Variants in MRPS27 observed in about 807,000 individuals in gnomAD.
MRPS27 encodes the protein mitochondrial ribosomal protein S27, also known as small ribosomal subunit protein mS27.
A neutral mutation model predicts 48.9 loss-of-function variants in MRPS27; 43 were observed. The ratio of observed to expected loss-of-function variants is 0.88; its 90% CI spans 0.69 to 1.13. The LOEUF is 1.13. MRPS27 is among the 50% of genes most tolerant of loss of function. The pLI, the probability that MRPS27 is intolerant of heterozygous loss-of-function variation, is 0.00. For synonymous variants in MRPS27, 188 were observed against 171.9 expected (o/e 1.09, Z -0.73); for missense variants, 467 against 476.3 (o/e 0.98, Z 0.18).
At chr5:72,288,674 C>A (rs548245351) in intron 4 of MRPS27, 2 of 152,342 alleles carry the variant, frequency 1.3e-5, no homozygotes, top group East Asian at 3.9e-4. Context: ...AAATAAAGAA[C>A]TAGGCAATAT....
intron 2 of MRPS27, among the ~76,000 whole-genome samples, chr5:72,308,849 G>A (rs750224884): frequency 2.6e-5 from 4 of 152,268 alleles, no homozygotes; most frequent in Middle Eastern, 3.4e-3. Context: ...CACCTCACAC[G>A]TTTTATAGAG....
intron 5 of MRPS27, among the ~76,000 whole-genome samples, chr5:72,237,469 A>G (rs1748229540): frequency 6.6e-6 from 1 of 152,198 alleles, no homozygotes; most frequent in South Asian, 2.1e-4. Context: ...AGACTGTTAA[A>G]ATATCTTTAT....
intron 10 of MRPS27, chr5:72,222,393 T>C (rs1034564088): frequency 2.0e-5 from 3 of 152,352 alleles, no homozygotes; most frequent in Non-Finnish European, 4.4e-5. Flanking sequence ...TCCAGAGCTC[T>C]TGCGAGGAGA....
In MRPS27 at chr5:72,297,668, C is replaced by T. The variant is rs763374779; in HGVS notation, c.186G>A (p.Glu62=). ...TTAAAGAACTAACAGGCAACTTTCTCTCAAATGTTTTATCCATTAAAGATG... is the reference window on the plus strand; with the variant it reads ...TTAAAGAACTAACAGGCAACTTTCTTTCAAATGTTTTATCCATTAAAGATG... ...DLASLMDKTF[E]RKLPVSSLTI... The change falls in exon 3 of 11, where the codon GAG becomes GAA. Residue 62 remains glutamate (E), a synonymous_variant. Transcript: ENST00000261413. 6 of 1,602,752 alleles carry T rather than the reference C, an allele frequency of 3.7e-6. No individual in the cohort carries two copies. In the African/African-American group the frequency reaches 8.0e-5, roughly 21 times the overall value.
chr5:72,228,572 T>C (rs184357800), intron 7 of MRPS27: 20 of 408,814 alleles, frequency 4.9e-5, no homozygotes, highest in African/African-American at 3.9e-4. Flanking sequence ...ATACCCTATA[T>C]GTTAATGGAT....
intron 4 of MRPS27, among the ~76,000 whole-genome samples, chr5:72,290,388 A>G (rs1331200323): frequency 6.6e-6 from 1 of 152,202 alleles, no homozygotes; most frequent in Non-Finnish European, 1.5e-5. Context: ...GTCTCTCTGG[A>G]ATTTCTTCTG....
intron 8 of MRPS27, 57 bp from the exon 9 acceptor site, chr5:72,226,256 G>A: frequency 6.3e-7 from 1 of 1,599,666 alleles, no homozygotes; most frequent in Non-Finnish European, 8.6e-7. Context: ...CCATTTCTAA[G>A]ACTGAGGACC....
At chr5:72,269,257 A>C (rs1280784768) in intron 4 of MRPS27, among the ~76,000 whole-genome samples, 1 of 152,220 alleles carries the variant, frequency 6.6e-6, no homozygotes, top group Non-Finnish European at 1.5e-5. Context: ...TCTGTCTAGA[A>C]GAGGCAGTGT....
At chr5:72,315,211 T>C (rs904542956) in intron 1 of MRPS27, among the ~76,000 whole-genome samples, 12 of 152,150 alleles carry the variant, frequency 7.9e-5, no homozygotes, top group Admixed American at 7.2e-4. Flanking sequence ...ACAAGACTTG[T>C]ATCCAAAATA....
chr5:72,249,309 G>A (rs974605166), intron 4 of MRPS27, among the ~76,000 whole-genome samples: 3 of 152,294 alleles, frequency 2.0e-5, no homozygotes, highest in South Asian at 2.1e-4. Context: ...CTATGAATCA[G>A]GATATTATGC....
chr5:72,221,015 T>C lies in MRPS27; in HGVS notation c.1139A>G (p.Gln380Arg), dbSNP rs943134978. 5.2e-5 allele frequency: 84 copies of C among 1,614,116 alleles called. No homozygotes were observed. The highest frequency in any genetic ancestry group is 6.9e-5 in the Non-Finnish European group (81 of 1,180,032). The change falls in exon 11 of 11, where the codon CAG becomes CGG. Residue 380 changes from glutamine (Q) to arginine (R), a missense_variant. Transcript: ENST00000261413. ...EDIATYEQNL[Q>R]QWHLDLVQLI... is the part of the protein sequence containing the mutation. ...CTGTACAAGGTCTAGATGCCACTGC[T>C]GCAGATTCTGCTCATAGGTGGCGAT...
chr5:72,314,138 A>C lies in MRPS27; in HGVS notation c.94T>G (p.Ser32Ala). Residue 32 changes from serine (S) to alanine (A), a missense_variant, in exon 2 of 11, where the codon TCA (serine) becomes GCA (alanine). By Grantham distance (99) the Ser-to-Ala change is moderately conservative. Coordinates refer to ENST00000261413, the MANE Select transcript of MRPS27 (RefSeq NM_015084.3). ...CATTTGTGGCTGTCTACATAGGCTG[A>C]AGAAAGCAGGTATCTTTTACCTGAG... ...SPAGKRYLLS[S>A]AYVDSHKWEA... The C allele has an allele frequency of 6.2e-7, 1 of 1,613,012 alleles. No individual in the cohort carries two copies. Among genetic ancestry groups the C allele is most frequent in the Non-Finnish European group, 8.5e-7 (1 of 1,179,374 alleles).
At chr5:72,241,310 A>C (rs1229406483) in intron 4 of MRPS27, among the ~76,000 whole-genome samples, 1 of 152,160 alleles carries the variant, frequency 6.6e-6, no homozygotes, top group African/African-American at 2.4e-5. Flanking sequence ...TTTTCAATGA[A>C]CTCTCACAAA....
chr5:72,248,307 A>C (rs1748560034), intron 4 of MRPS27, among the ~76,000 whole-genome samples: 1 of 152,232 alleles, frequency 6.6e-6, no homozygotes, highest in South Asian at 2.1e-4. Context: ...GATGACAATC[A>C]TAAGAAGGAA....
intron 4 of MRPS27, among the ~76,000 whole-genome samples, chr5:72,250,995 G>A (rs1248338725): frequency 6.6e-6 from 1 of 152,188 alleles, no homozygotes; most frequent in Non-Finnish European, 1.5e-5. Context: ...AGATTGATAT[G>A]AAGATTAAAG....
At chr5:72,223,595 T>C (rs41272290) in intron 10 of MRPS27, 88 bp downstream of exon 10, 51,751 of 1,462,048 alleles carry the variant, frequency 0.035, 1,455 homozygotes, top group African/African-American at 0.14. Context: ...TTGTGTGACA[T>C]TGATGCAGAA....
chr5:72,304,174 AG>A (rs1245282457), intron 2 of MRPS27, among the ~76,000 whole-genome samples: 1 of 152,168 alleles, frequency 6.6e-6, no homozygotes, highest in Non-Finnish European at 1.5e-5. Flanking sequence ...GCATTTTAGA[AG>A]TTAAAGGGCA....
chr5:72,319,694 C>T (rs957816768), intron 1 of MRPS27, among the ~76,000 whole-genome samples: 9 of 152,002 alleles, frequency 5.9e-5, no homozygotes, highest in Non-Finnish European at 1.0e-4. Context: ...CAGGCGCGCG[C>T]CACCAGGCCC....
intron 2 of MRPS27, among the ~76,000 whole-genome samples, chr5:72,308,501 G>C (rs560985339): frequency 6.6e-6 from 1 of 152,310 alleles, no homozygotes; most frequent in African/African-American, 2.4e-5. Context: ...GCTGGGCGCG[G>C]CCCTGCGCGC....
Sources: allele counts gnomAD v4.1 joint callset (sites outside exome capture counted in the v4.1 genomes callset), GRCh38; gene constraint gnomAD v4.1.1; transcripts MANE v1.5; gene names NCBI Gene and HGNC (gene_info 2026-07-23, HGNC 2026-07-21).